Variants in PATJ observed in about 807,000 individuals in gnomAD.
PATJ encodes inaD-like protein.
A neutral mutation model predicts 224.9 loss-of-function variants in PATJ; 190 were observed. The ratio of observed to expected loss-of-function variants is 0.84; its 90% CI spans 0.75 to 0.95. The LOEUF (loss-of-function observed/expected upper bound fraction) is 0.95, where lower values mean the gene tolerates loss of function less well. Among genes scored for constraint, PATJ ranks in the 40% least tolerant of loss-of-function variants. PATJ has a pLI of 0.00. For missense variants in PATJ, 2,121 were observed against 2,270.3 expected (o/e 0.93, Z 1.34); for synonymous variants, 769 against 820.3 (o/e 0.94, Z 1.07).
rs116844048 is a variant in PATJ, at chr1:61,899,649, G to A, written c.3198G>A (p.Pro1066=). Residue 1066 remains proline, a synonymous_variant, in exon 23 of 44, where the codon CCG becomes CCA. Transcript: ENST00000642238. Reference sequence around the variant, plus strand: ...CAAATTTTAGCCACTGGGGTCCACCGAGAATGTATGTGGATGACATTATTG... The same window carrying A: ...CAAATTTTAGCCACTGGGGTCCACCAAGAATGTATGTGGATGACATTATTG... ...ETPNFSHWGP[P]RIVEIFREPN... 4.7e-4 allele frequency: 749 copies of A among 1,605,576 alleles called. 4 individuals carry two copies. The East Asian group carries it at 5.1e-3, about 11-fold the overall frequency.
At chr1:62,122,519 T>C (rs1445569426) in intron 38 of PATJ, among the ~76,000 whole-genome samples, 1 of 150,990 alleles carries the variant, frequency 6.6e-6, no homozygotes, top group Non-Finnish European at 1.5e-5. Flanking sequence ...CAGAGAGCAC[T>C]TCTTTAAAAT....
chr1:61,769,774 G>A (rs961896284), intron 5 of PATJ, among the ~76,000 whole-genome samples: 33 of 152,106 alleles, frequency 2.2e-4, no homozygotes, highest in African/African-American at 7.7e-4. Flanking sequence ...ACTGAACATG[G>A]TATTTTAGCT....
intron 1 of PATJ, among the ~76,000 whole-genome samples, chr1:61,760,674 T>TG (rs1253823431): frequency 6.6e-6 from 1 of 150,716 alleles, no homozygotes; most frequent in Non-Finnish European, 1.5e-5. Context: ...TGGAGTGCAG[T>TG]GGCATGAGCT....
intron 1 of PATJ, among the ~76,000 whole-genome samples, chr1:61,754,520 G>GTTTTTT (rs548557219): frequency 1.1e-5 from 1 of 94,446 alleles, no homozygotes; most frequent in Non-Finnish European, 2.1e-5. Context: ...TTTTTTGCAT[G>GTTTTTT]TTTTTTTTTT....
chr1:62,159,129 G>A (rs1475703383), intron 43 of PATJ, among the ~76,000 whole-genome samples: 7 of 152,122 alleles, frequency 4.6e-5, no homozygotes, highest in Admixed American at 4.6e-4. Flanking sequence ...AAAATTACTT[G>A]TTTAATTTTG....
rs138696942 is a variant in PATJ at position 61,914,291 on chromosome 1, A to G, written c.3493-296A>G. Among the ~76,000 whole-genome samples, 625 of 152,228 alleles carry G rather than the reference A, an allele frequency of 4.1e-3. 4 individuals carry two copies. Among genetic ancestry groups the G allele is most frequent in the African/African-American group, 0.014 (580 of 41,528 alleles). ...GCCAACATGGTGAAATTCCATCTCT[A>G]CTAAAAATACAAAAATTAGCTGGGT... On this transcript the variant is annotated intron_variant, in intron 25 of 43. Coordinates refer to ENST00000642238, the MANE Select transcript of PATJ (RefSeq NM_001350145.3).
At chr1:62,004,595 A>C (rs1402271857) in intron 28 of PATJ, among the ~76,000 whole-genome samples, 3 of 152,168 alleles carry the variant, frequency 2.0e-5, no homozygotes, top group Non-Finnish European at 4.4e-5. Context: ...ATGTTGGTCA[A>C]ATTTCTTAAA....
At chr1:61,961,188 A>G (rs772460973) in intron 27 of PATJ, among the ~76,000 whole-genome samples, 20 of 152,226 alleles carry the variant, frequency 1.3e-4, no homozygotes, top group Non-Finnish European at 2.6e-4. Flanking sequence ...GCCTTTGATC[A>G]AAGAAAAAAG....
chr1:62,150,901 G>A (rs879617172), intron 42 of PATJ, among the ~76,000 whole-genome samples: 4 of 152,142 alleles, frequency 2.6e-5, no homozygotes, highest in South Asian at 2.1e-4. Flanking sequence ...CCAGCACTTC[G>A]GGAGGCCGAG....
At chr1:61,868,279 T>C (rs1219016981) in intron 20 of PATJ, among the ~76,000 whole-genome samples, 2 of 152,228 alleles carry the variant, frequency 1.3e-5, no homozygotes, top group African/African-American at 4.8e-5. Flanking sequence ...ACTGAAACTC[T>C]ACTCATTAAA....
At chr1:62,037,694 A>G (rs1410337170) in intron 29 of PATJ, among the ~76,000 whole-genome samples, 1 of 152,228 alleles carries the variant, frequency 6.6e-6, no homozygotes, top group Non-Finnish European at 1.5e-5. Context: ...TATCCTCTGC[A>G]GCACCTGACT....
chr1:61,795,606 G>A (rs752154039), intron 10 of PATJ, 48 bp downstream of exon 10: 7 of 1,142,640 alleles, frequency 6.1e-6, no homozygotes, highest in Middle Eastern at 2.0e-4. Context: ...TGAAAAAAAG[G>A]TTGATCATTA....
At chr1:61,743,707 GA>G (rs1644879007) in intron 1 of PATJ, among the ~76,000 whole-genome samples, 1 of 152,158 alleles carries the variant, frequency 6.6e-6, no homozygotes, top group Admixed American at 6.6e-5. Context: ...TGTTAGGTGA[GA>G]TTGAGCCTTT....
At chr1:62,109,224 C>A (rs1274405742) in intron 34 of PATJ, among the ~76,000 whole-genome samples, 1 of 144,598 alleles carries the variant, frequency 6.9e-6, no homozygotes, top group Non-Finnish European at 1.5e-5. Flanking sequence ...TTTTTTTTTT[C>A]ATTGAATGAA....
chr1:62,133,745 C>CTCTT (rs1666508728), intron 41 of PATJ, among the ~76,000 whole-genome samples: 1 of 121,194 alleles, frequency 8.3e-6, no homozygotes, highest in Non-Finnish European at 1.7e-5. Context: ...CAAGAATTTG[C>CTCTT]TTTTTTTTTT....
intron 43 of PATJ, among the ~76,000 whole-genome samples, chr1:62,160,236 C>T (rs987992105): frequency 2.0e-5 from 3 of 152,064 alleles, no homozygotes; most frequent in Admixed American, 6.6e-5. Flanking sequence ...CCTGAAGTTT[C>T]ACTGGCTTTG....
intron 41 of PATJ, among the ~76,000 whole-genome samples, chr1:62,147,691 C>T (rs1344291522): frequency 1.3e-5 from 2 of 151,760 alleles, no homozygotes; most frequent in African/African-American, 2.4e-5. Flanking sequence ...CCCAGCTACT[C>T]GGGAGGCTGA....
intron 8 of PATJ, among the ~76,000 whole-genome samples, chr1:61,790,902 C>T (rs891879371): frequency 6.6e-6 from 1 of 152,166 alleles, no homozygotes; most frequent in Non-Finnish European, 1.5e-5. Flanking sequence ...CATACCCAGT[C>T]TCATTCAGAT....
At chr1:61,871,411 A>G (rs1399910424) in intron 20 of PATJ, among the ~76,000 whole-genome samples, 3 of 134,468 alleles carry the variant, frequency 2.2e-5, no homozygotes, top group African/African-American at 8.0e-5. Flanking sequence ...GTGTATATAT[A>G]TACATATATA....
Sources: gnomAD v4.1 joint callset for allele counts (sites outside exome capture counted in the v4.1 genomes callset) on GRCh38, gnomAD v4.1.1 for gene constraint, MANE v1.5 for transcripts, NCBI Gene and HGNC (gene_info 2026-07-23, HGNC 2026-07-21) for gene names.